Variants in ACAD11 observed in about 807,000 individuals in gnomAD.
The protein encoded by ACAD11 is acyl-Coenzyme A dehydrogenase family, member 11.
ACAD11 carries 83 observed loss-of-function variants against 102.2 expected under a neutral mutation model. The observed-to-expected ratio is 0.81, with a 90% CI of 0.68 to 0.97. The LOEUF is 0.97. ACAD11 is among the 50% of genes least tolerant of loss of function. The pLI is 0.00. For missense variants in ACAD11, 901 were observed against 951.7 expected (o/e 0.95, Z 0.70); for synonymous variants, 324 against 319.8 (o/e 1.01, Z -0.14).
chr3:132,655,423 T>A (rs1157368060), intron 1 of ACAD11, among the ~76,000 whole-genome samples: 1 of 152,220 alleles, frequency 6.6e-6, no homozygotes, highest in African/African-American at 2.4e-5. Context: ...CTTTATTGCC[T>A]GACAGGGTCC....
rs377423869 is a variant in ACAD11, at chr3:132,579,453, A to G, written c.1688+39T>C. The G allele has an allele frequency of 7.8e-6, 12 of 1,532,426 alleles. No homozygotes were observed. In the African/African-American group the frequency reaches 1.2e-4, roughly 16 times the overall value. 94.9% of individuals were successfully genotyped at this position (1,532,426 alleles called of 1,614,324 possible). A position where few individuals can be genotyped will look rare whatever the true frequency, so the allele number is the denominator to read the frequency against. On this transcript the variant is annotated intron_variant, in intron 14 of 19. Transcript: ENST00000264990. ...ACCTAGATAGGAGGAAGACTGGCTC[A>G]TTCCTACACAGGTTTCTCAATCAGA...
At chr3:132,597,582 T>C (rs1938371922) in intron 13 of ACAD11, among the ~76,000 whole-genome samples, 2 of 152,160 alleles carry the variant, frequency 1.3e-5, no homozygotes, top group African/African-American at 4.8e-5. Context: ...GGTTTTATTA[T>C]ACCACTTTTT....
At chr3:132,569,742 A>G (rs945431277) in intron 17 of ACAD11, among the ~76,000 whole-genome samples, 1 of 152,208 alleles carries the variant, frequency 6.6e-6, no homozygotes, top group African/African-American at 2.4e-5. Context: ...GTATGACTCC[A>G]TTCTTGGAAT....
chr3:132,563,485 A>C (rs184761232), intron 17 of ACAD11, among the ~76,000 whole-genome samples: 324 of 152,214 alleles, frequency 2.1e-3, no homozygotes, highest in Admixed American at 4.8e-3. Context: ...TCTACTTTTT[A>C]GTGCATGTGG....
At chr3:132,561,323 G>A (rs749638387) in intron 17 of ACAD11, 106 bp from the exon 18 acceptor site, 6 of 822,980 alleles carry the variant, frequency 7.3e-6, no homozygotes, top group Non-Finnish European at 1.3e-5. Context: ...CTAAGCCAGA[G>A]ATTGTTCACA....
At chr3:132,623,953 G>T (rs564642368) in intron 9 of ACAD11, among the ~76,000 whole-genome samples, 1 of 152,164 alleles carries the variant, frequency 6.6e-6, no homozygotes, top group East Asian at 1.9e-4. Flanking sequence ...CAGTAATCAG[G>T]GAGGACAGAC....
intron 13 of ACAD11, among the ~76,000 whole-genome samples, chr3:132,602,884 C>A (rs1938675751): frequency 6.6e-6 from 1 of 152,176 alleles, no homozygotes; most frequent in East Asian, 1.9e-4. Flanking sequence ...CGCATGTCAA[C>A]TTCCGCCACC....
At chr3:132,624,539 A>G (rs539978904) in intron 9 of ACAD11, among the ~76,000 whole-genome samples, 1 of 147,012 alleles carries the variant, frequency 6.8e-6, no homozygotes, top group South Asian at 2.3e-4. Flanking sequence ...CAGGAGGCGG[A>G]GGTTGCAGTG....
intron 9 of ACAD11, among the ~76,000 whole-genome samples, chr3:132,619,960 G>A (rs866560355): frequency 6.6e-6 from 1 of 152,216 alleles, no homozygotes; most frequent in Non-Finnish European, 1.5e-5. Flanking sequence ...AGCACACATT[G>A]CAGCCAAGTT....
intron 1 of ACAD11, among the ~76,000 whole-genome samples, chr3:132,652,664 G>T (rs1174081393): frequency 6.6e-6 from 1 of 151,606 alleles, no homozygotes; most frequent in South Asian, 2.1e-4. Flanking sequence ...CAGATCATGA[G>T]AAAAAAAATT....
At chr3:132,593,618 A>C (rs1270458645) in intron 13 of ACAD11, among the ~76,000 whole-genome samples, 1 of 152,220 alleles carries the variant, frequency 6.6e-6, no homozygotes, top group African/African-American at 2.4e-5. Flanking sequence ...TATGGAATAC[A>C]ATTTGGCAAT....
chr3:132,633,077 G>A (rs1940117880), intron 5 of ACAD11, among the ~76,000 whole-genome samples: 1 of 152,088 alleles, frequency 6.6e-6, no homozygotes, highest in South Asian at 2.1e-4. Flanking sequence ...TCTTTCTCCT[G>A]CCTGATTGCC....
chr3:132,657,859 C>G (rs1236485957), intron 1 of ACAD11, among the ~76,000 whole-genome samples: 2 of 144,156 alleles, frequency 1.4e-5, no homozygotes, highest in African/African-American at 5.2e-5. Context: ...TAAAAAAACA[C>G]ATATTCCTTT....
intron 2 of ACAD11, among the ~76,000 whole-genome samples, chr3:132,644,054 T>C (rs1228527795): frequency 1.3e-5 from 2 of 152,200 alleles, no homozygotes; most frequent in Non-Finnish European, 2.9e-5. Flanking sequence ...TTCATGTTTC[T>C]GGGAATATGA....
At chr3:132,576,274 G>A (rs981752095) in intron 16 of ACAD11, among the ~76,000 whole-genome samples, 1 of 152,180 alleles carries the variant, frequency 6.6e-6, no homozygotes, top group Non-Finnish European at 1.5e-5. Context: ...AAGAGATACA[G>A]AGAGAAACAA....
At chr3:132,600,598 C>G (rs752150433) in intron 13 of ACAD11, 5 of 1,613,650 alleles carry the variant, frequency 3.1e-6, no homozygotes, top group Non-Finnish European at 4.2e-6. Flanking sequence ...CAATTTATGC[C>G]TATTACAAGA....
intron 13 of ACAD11, among the ~76,000 whole-genome samples, chr3:132,585,292 T>C (rs561492795): frequency 1.4e-3 from 220 of 152,356 alleles, no homozygotes; most frequent in African/African-American, 5.0e-3. Flanking sequence ...GGTAGCCATA[T>C]GTAGAAAGCT....
intron 13 of ACAD11, among the ~76,000 whole-genome samples, chr3:132,582,895 A>G (rs79987789): frequency 0.021 from 3,245 of 152,232 alleles, 116 homozygotes; most frequent in African/African-American, 0.075. Context: ...ATGCATATAA[A>G]TGATTTTATA....
intron 13 of ACAD11, among the ~76,000 whole-genome samples, chr3:132,599,144 C>A (rs1313839455): frequency 2.0e-5 from 3 of 151,958 alleles, no homozygotes; most frequent in African/African-American, 7.3e-5. Flanking sequence ...AAAACCCCGT[C>A]TCTATCAAAA....
Sources: gnomAD v4.1 joint callset for allele counts (sites outside exome capture counted in the v4.1 genomes callset) on GRCh38, gnomAD v4.1.1 for gene constraint, MANE v1.5 for transcripts, NCBI Gene and HGNC (gene_info 2026-07-23, HGNC 2026-07-21) for gene names.